The following TENM2 variants were observed in gnomAD, a reference collection of about 807,000 sequenced individuals.
TENM2 encodes the protein teneurin transmembrane protein 2, also known as teneurin-2.
A neutral mutation model predicts 245.2 loss-of-function variants in TENM2; 52 were observed. The ratio of observed to expected loss-of-function variants is 0.21; its 90% CI spans 0.17 to 0.27. The LOEUF (loss-of-function observed/expected upper bound fraction) is 0.27. TENM2 is among the 10% of genes least tolerant of loss of function. The pLI is 1.00. For missense variants in TENM2, 3,046 were observed against 3,666.8 expected, an observed-to-expected ratio of 0.83 and a Z score of 4.37; for synonymous variants, 1,363 against 1,438.9, an observed-to-expected ratio of 0.95 and a Z score of 1.19.
chr5:167,375,077 C>A lies in TENM2; in HGVS notation c.227-121C>A, dbSNP rs1012488800. The A allele has an allele frequency of 8.1e-5, 79 of 974,338 alleles. 2 individuals are homozygous for A. In the South Asian group the frequency reaches 1.1e-3, roughly 13 times the overall value. The allele number at this position is 974,338 out of a possible 1,614,324, so 60.4% of individuals were successfully genotyped here. On this transcript the variant is annotated intron_variant, in intron 1 of 28. Coordinates refer to ENST00000518659, the Ensembl canonical transcript of TENM2. ...CTTGTCCAAGATCTGTTTCTGTACA[C>A]CATGGTGAATTTGATGTATCTGTCA...
intron 2 of TENM2, among the ~76,000 whole-genome samples, chr5:167,605,728 T>A (rs544612959): frequency 2.2e-4 from 33 of 152,322 alleles, no homozygotes; most frequent in African/African-American, 7.9e-4. Context: ...CATCTGATCG[T>A]GTACCAGGTA....
chr5:167,803,099 C>T (rs1484447755), intron 2 of TENM2, among the ~76,000 whole-genome samples: 2 of 152,252 alleles, frequency 1.3e-5, no homozygotes, highest in African/African-American at 4.8e-5. Context: ...TGTAGCAAAT[C>T]AATAATTGGC....
intron 2 of TENM2, among the ~76,000 whole-genome samples, chr5:167,662,694 A>G (rs768937733): frequency 6.6e-6 from 1 of 152,176 alleles, no homozygotes. Flanking sequence ...TGTTTTGTTC[A>G]CCATTGTTTC....
At chr5:167,564,367 C>T (rs1773770690) in intron 2 of TENM2, among the ~76,000 whole-genome samples, 1 of 152,142 alleles carries the variant, frequency 6.6e-6, no homozygotes, top group East Asian at 1.9e-4. Flanking sequence ...GAGTTGACAT[C>T]GGATAAATTG....
rs984527945 is a variant in TENM2, at chr5:168,218,517, C to G, written c.4626C>G (p.Ile1542Met). 1 of 1,614,048 alleles carries G rather than the reference C, an allele frequency of 6.2e-7. No homozygotes were observed. The highest frequency in any genetic ancestry group is 2.2e-5 in the East Asian group (1 of 44,882). Residue 1542 changes from isoleucine to methionine, a missense_variant, in exon 23 of 29, where the codon ATC becomes ATG. Physicochemically the swap from Ile to Met is conservative, Grantham distance 10. Coordinates refer to ENST00000518659, the Ensembl canonical transcript of TENM2. The surrounding 1 kb of genome is among the most constrained non-coding windows in gnomAD (Gnocchi z 5.2). ...ATGATGCCTACGCGACTGATGCCATCTTGAATTCCCCATCATCCTTAGCTG... is the reference window on the plus strand; with the variant it reads ...ATGATGCCTACGCGACTGATGCCATGTTGAATTCCCCATCATCCTTAGCTG...
chr5:167,551,445 A>G (rs1454060633), intron 2 of TENM2, among the ~76,000 whole-genome samples: 33 of 152,178 alleles, frequency 2.2e-4, no homozygotes, highest in Admixed American at 2.2e-3. Context: ...TCATCCATCT[A>G]TACATCTGTC....
At chr5:167,804,623 C>T (rs566263044) in intron 2 of TENM2, among the ~76,000 whole-genome samples, 5 of 152,168 alleles carry the variant, frequency 3.3e-5, no homozygotes, top group South Asian at 4.1e-4. Context: ...TCAGATAGAT[C>T]GAATAAAGTT....
the TENM2 span, among the ~76,000 whole-genome samples, chr5:167,036,160 C>T: frequency 1.3e-5 from 2 of 152,292 alleles, no homozygotes; most frequent in African/African-American, 4.8e-5. Context: ...CTGAGAATCA[C>T]ACATTTACCT....
intron 4 of TENM2, among the ~76,000 whole-genome samples, chr5:167,983,258 A>G (rs571391022): frequency 6.6e-6 from 1 of 152,178 alleles, no homozygotes; most frequent in East Asian, 1.9e-4. Flanking sequence ...GGTTTCTTTA[A>G]TGACCTCGAG....
intron 5 of TENM2, among the ~76,000 whole-genome samples, chr5:168,031,834 A>G (rs931221856): frequency 6.6e-6 from 1 of 151,816 alleles, no homozygotes; most frequent in Admixed American, 6.6e-5. Context: ...GGAGGAAGGG[A>G]AAGAAAGAAA....
At chr5:167,052,307 A>C in the TENM2 span, among the ~76,000 whole-genome samples, 1 of 152,128 alleles carries the variant, frequency 6.6e-6, no homozygotes, top group Non-Finnish European at 1.5e-5. Context: ...TTTTACTATT[A>C]ATAATATTCA....
intron 1 of TENM2, among the ~76,000 whole-genome samples, chr5:167,331,916 T>G (rs1206628588): frequency 6.6e-6 from 1 of 152,082 alleles, no homozygotes; most frequent in African/African-American, 2.4e-5. Flanking sequence ...AATACTGTAT[T>G]TACGAAAATG....
the TENM2 span, among the ~76,000 whole-genome samples, chr5:167,014,552 G>A: frequency 6.6e-6 from 1 of 152,194 alleles, no homozygotes; most frequent in Non-Finnish European, 1.5e-5. Flanking sequence ...TGCATGAGGA[G>A]AGATAAGAAA....
chr5:167,691,191 T>G (rs1037303941), intron 2 of TENM2, among the ~76,000 whole-genome samples: 1 of 152,130 alleles, frequency 6.6e-6, no homozygotes, highest in Non-Finnish European at 1.5e-5. Flanking sequence ...ACTTATATAT[T>G]CTGTCTCACA....
At chr5:167,474,385 A>T (rs766007204) in intron 2 of TENM2, among the ~76,000 whole-genome samples, 2 of 152,198 alleles carry the variant, frequency 1.3e-5, no homozygotes, top group Non-Finnish European at 2.9e-5. Context: ...GCAGTTCATG[A>T]ATTCATGTAT....
In TENM2 at chr5:167,734,017, T is replaced by C. The variant is rs1460584319; in HGVS notation, c.503-141969T>C. ...ATCTTGACCCCAGGTTTCCTTGACTTCAGATAACACTTTGCCTTGCACTTG... is the reference window on the plus strand; with the variant it reads ...ATCTTGACCCCAGGTTTCCTTGACTCCAGATAACACTTTGCCTTGCACTTG... On this transcript the variant is annotated intron_variant, in intron 2 of 28. Transcript: ENST00000518659. Among the ~76,000 whole-genome samples, 9 of 152,298 alleles carry C rather than the reference T, an allele frequency of 5.9e-5. No individual in the cohort carries two copies. The East Asian group carries it at 1.7e-3, about 29-fold the overall frequency.
At chr5:167,597,167 T>TTC (rs1223120373) in intron 2 of TENM2, among the ~76,000 whole-genome samples, 2 of 116,006 alleles carry the variant, frequency 1.7e-5, no homozygotes, top group African/African-American at 1.1e-4. Flanking sequence ...TTTCTTTTCT[T>TTC]TTTTTTTTTT....
At chr5:167,398,976 A>C (rs1762224310) in intron 2 of TENM2, among the ~76,000 whole-genome samples, 3 of 152,152 alleles carry the variant, frequency 2.0e-5, no homozygotes, top group Middle Eastern at 3.2e-3. Flanking sequence ...TGTCTCCTTC[A>C]TAACCCTTGG....
chr5:167,126,656 C>A, the TENM2 span, among the ~76,000 whole-genome samples: 3 of 152,226 alleles, frequency 2.0e-5, no homozygotes. Flanking sequence ...ACTGTAATGA[C>A]ATCACCAGAT....
Sources: gnomAD v4.1 joint callset for allele counts (sites outside exome capture counted in the v4.1 genomes callset) on GRCh38, gnomAD v4.1.1 for gene constraint, Gnocchi (gnomAD v3.1) non-coding constraint, MANE v1.5 for transcripts, NCBI Gene and HGNC (gene_info 2026-07-23, HGNC 2026-07-21) for gene names.